ADGRL2: variants seen among roughly 807,000 people sequenced by gnomAD.
ADGRL2 encodes the protein calcium-independent alpha-latrotoxin receptor 2.
Under a neutral mutation model 157.4 loss-of-function variants are expected in ADGRL2, and 44 were observed. The observed-to-expected ratio is 0.28, with a 90% confidence interval of 0.22 to 0.36. The LOEUF (loss-of-function observed/expected upper bound fraction) is 0.36. ADGRL2 is among the 10% of genes least tolerant of loss of function. The pLI, the probability that ADGRL2 is intolerant of heterozygous loss-of-function variation, is 1.00. For synonymous variants in ADGRL2, 585 were observed against 624.7 expected (o/e 0.94, Z 0.95); for missense variants, 1,510 against 1,768.9 (o/e 0.85, Z 2.63).
intron 1 of ADGRL2, among the ~76,000 whole-genome samples, chr1:81,366,142 T>C (rs577194634): frequency 6.6e-6 from 1 of 152,142 alleles, no homozygotes; most frequent in Non-Finnish European, 1.5e-5. Context: ...AGAGAGTAGC[T>C]CTTTCAGTGA....
chr1:81,595,644 G>A (rs6605236), intron 3 of ADGRL2, among the ~76,000 whole-genome samples: 108,667 of 152,126 alleles, frequency 0.71, 39,114 homozygotes, highest in African/African-American at 0.77. Flanking sequence ...CAAAAACTGA[G>A]GTGCCAAGTT....
intron 2 of ADGRL2, among the ~76,000 whole-genome samples, chr1:81,870,950 T>C (rs1261631044): frequency 1.3e-5 from 2 of 152,048 alleles, no homozygotes; most frequent in East Asian, 3.9e-4. Flanking sequence ...TTTTTTATTA[T>C]TATACTTTAA....
At chr1:81,828,549 A>G (rs576575443) in intron 1 of ADGRL2, among the ~76,000 whole-genome samples, 2 of 152,272 alleles carry the variant, frequency 1.3e-5, no homozygotes, top group East Asian at 3.9e-4. Flanking sequence ...TACCACATGA[A>G]GGACTCTTGG....
At chr1:81,925,117 G>A (rs2095074287) in intron 3 of ADGRL2, among the ~76,000 whole-genome samples, 1 of 152,048 alleles carries the variant, frequency 6.6e-6, no homozygotes, top group Non-Finnish European at 1.5e-5. Context: ...AGGAAACACA[G>A]ATCAAATTTG....
intron 1 of ADGRL2, among the ~76,000 whole-genome samples, chr1:81,367,217 A>G (rs1263907926): frequency 7.7e-6 from 1 of 130,698 alleles, no homozygotes; most frequent in Non-Finnish European, 1.7e-5. Context: ...TTGTTTTATC[A>G]GCTTTTATTT....
At chr1:81,506,851 T>C (rs1284290468) in intron 2 of ADGRL2, among the ~76,000 whole-genome samples, 1 of 152,226 alleles carries the variant, frequency 6.6e-6, no homozygotes, top group Non-Finnish European at 1.5e-5. Flanking sequence ...TTTTCCAAAC[T>C]TGTTTGACCT....
At chr1:81,935,328 T>C (rs1186723497) in intron 3 of ADGRL2, among the ~76,000 whole-genome samples, 2 of 152,004 alleles carry the variant, frequency 1.3e-5, no homozygotes, top group African/African-American at 4.8e-5. Flanking sequence ...ACTGCTATAC[T>C]CTATTATAAT....
intron 1 of ADGRL2, among the ~76,000 whole-genome samples, chr1:81,442,932 C>T (rs7543033): frequency 0.82 from 124,086 of 152,176 alleles, 51,297 homozygotes; most frequent in Non-Finnish European, 0.87. Flanking sequence ...ACTTACAGTA[C>T]GCTGACAAAC....
chr1:81,520,569 T>C lies in ADGRL2; in HGVS notation c.-247-60307T>C, dbSNP rs147668739. ...GGTTTCTCCCATGCTGTTCTCATGA[T>C]AGTGAGTGAGTTCTCATGAGATCTG... On this transcript the variant is annotated intron_variant, in intron 2 of 24. Coordinates refer to the ADGRL2 transcript ENST00000370721. Among the ~76,000 whole-genome samples, 580 of 152,272 alleles carry C rather than the reference T, an allele frequency of 3.8e-3. 5 individuals are homozygous for C. Among genetic ancestry groups the C allele is most frequent in the African/African-American group, 0.013 (544 of 41,546 alleles).
chr1:81,825,719 A>G (rs1008304369), intron 1 of ADGRL2, among the ~76,000 whole-genome samples: 5 of 150,598 alleles, frequency 3.3e-5, no homozygotes, highest in African/African-American at 1.2e-4. Flanking sequence ...TGAAATAATA[A>G]TACATGTACT....
intron 2 of ADGRL2, among the ~76,000 whole-genome samples, chr1:81,492,119 T>G (rs1389332286): frequency 6.6e-6 from 1 of 152,208 alleles, no homozygotes. Flanking sequence ...TATAACTTTG[T>G]TTCTTTCTAG....
chr1:81,464,817 G>A (rs2078018722), intron 2 of ADGRL2, among the ~76,000 whole-genome samples: 1 of 151,640 alleles, frequency 6.6e-6, no homozygotes, highest in African/African-American at 2.4e-5. Context: ...TATAATTACT[G>A]CCTAGTAAAT....
intron 4 of ADGRL2, among the ~76,000 whole-genome samples, chr1:81,938,782 T>C (rs1407953574): frequency 7.0e-6 from 1 of 143,154 alleles, no homozygotes; most frequent in South Asian, 2.3e-4. Context: ...AAGAGCCTTC[T>C]TAGATTATTC....
At chr1:81,381,600 T>C (rs950391028) in intron 1 of ADGRL2, among the ~76,000 whole-genome samples, 9 of 152,288 alleles carry the variant, frequency 5.9e-5, no homozygotes, top group Admixed American at 4.6e-4. Flanking sequence ...CAAAATAGCC[T>C]TCTTTTTCTT....
intron 1 of ADGRL2, among the ~76,000 whole-genome samples, chr1:81,736,529 A>G (rs2084908088): frequency 6.6e-6 from 1 of 152,218 alleles, no homozygotes; most frequent in African/African-American, 2.4e-5. Flanking sequence ...TAAACCCAGT[A>G]TCATCTGTAG....
chr1:81,606,521 T>A (rs1305012461), intron 3 of ADGRL2, among the ~76,000 whole-genome samples: 1 of 130,138 alleles, frequency 7.7e-6, no homozygotes, highest in East Asian at 2.6e-4. Context: ...ACACACACAC[T>A]CACACTACAC....
At chr1:81,787,928 T>G (rs2087136162) in intron 2 of ADGRL2, among the ~76,000 whole-genome samples, 2 of 152,176 alleles carry the variant, frequency 1.3e-5, no homozygotes, top group Non-Finnish European at 2.9e-5. Context: ...ATTCACACTT[T>G]TTTCAACATA....
chr1:81,453,593 T>G, intron 2 of ADGRL2, among the ~76,000 whole-genome samples: 1 of 152,202 alleles, frequency 6.6e-6, no homozygotes, highest in East Asian at 1.9e-4. Context: ...TCTCTGTCTA[T>G]AAAACTTTAT....
At chr1:81,637,307 C>T (rs2082133677) in intron 3 of ADGRL2, among the ~76,000 whole-genome samples, 1 of 152,144 alleles carries the variant, frequency 6.6e-6, no homozygotes, top group African/African-American at 2.4e-5. Context: ...TTCACAAAAG[C>T]CTTCCAGGTA....
Sources: allele counts gnomAD v4.1 joint callset (sites outside exome capture counted in the v4.1 genomes callset), GRCh38; gene constraint gnomAD v4.1.1; transcripts MANE v1.5; gene names NCBI Gene and HGNC (gene_info 2026-07-23, HGNC 2026-07-21).